The following IQANK1 variants were observed in gnomAD, a reference collection of about 807,000 sequenced individuals.
IQANK1 encodes IQ motif and ankyrin repeat containing 1.
In IQANK1, 30 loss-of-function variants were observed where a neutral mutation model predicts 22.6. The ratio of observed to expected loss-of-function variants is 1.33; its 90% CI spans 0.99 to 1.80. The LOEUF (loss-of-function observed/expected upper bound fraction) is 1.80. IQANK1 is among the 40% of genes most tolerant of loss of function. IQANK1 has a pLI of 0.00. For missense variants in IQANK1, 275 were observed against 235.2 expected (o/e 1.17, Z -1.11); for synonymous variants, 122 against 99.6 (o/e 1.23, Z -1.34).
intron 3 of IQANK1, among the ~76,000 whole-genome samples, chr8:143,761,907 C>G (rs1026119112): frequency 5.3e-5 from 8 of 151,566 alleles, no homozygotes; most frequent in South Asian, 2.1e-4. Flanking sequence ...TATACATTCT[C>G]CCTCTATAGG....
intron 7 of IQANK1, among the ~76,000 whole-genome samples, chr8:143,788,646 C>A (rs903169722): frequency 1.3e-4 from 20 of 152,206 alleles, no homozygotes; most frequent in African/African-American, 4.6e-4. Context: ...GAAGGAAGCC[C>A]TTGGAGGCCC....
intron 7 of IQANK1, among the ~76,000 whole-genome samples, chr8:143,776,863 C>T (rs577908518): frequency 4.1e-4 from 63 of 152,220 alleles, no homozygotes; most frequent in African/African-American, 1.1e-3. Context: ...TGCCTACTCC[C>T]GTCAGCCAGG....
chr8:143,745,807 G>A (rs938343172), intron 3 of IQANK1: 4 of 152,152 alleles, frequency 2.6e-5, no homozygotes, highest in African/African-American at 9.7e-5. Context: ...TCATGCCTCA[G>A]TGCAGCGATC....
In IQANK1 at chr8:143,788,949, G is replaced by A. The variant is rs1264683319; in HGVS notation, c.824G>A (p.Arg275His). 1.5e-5 allele frequency: 6 copies of A among 399,134 alleles called. No homozygotes were observed. Among genetic ancestry groups the A allele is most frequent in the Admixed American group, 4.4e-5 (1 of 22,722 alleles). The allele number at this position is 399,134 out of a possible 1,614,324, so 24.7% of individuals were successfully genotyped here. A position where few individuals can be genotyped will look rare whatever the true frequency, so the allele number is the denominator to read the frequency against. The change falls in exon 8 of 14, where the codon CGC becomes CAC. Residue 275 changes from arginine (R) to histidine (H), a missense_variant. Transcript: ENST00000527139. Reference protein sequence around the residue: ...ASLDTVVSVLRSWDLSLTEAM... With the variant: ...ASLDTVVSVLHSWDLSLTEAM... Reference sequence around the variant, plus strand: ...CTGGACACAGTGGTGAGCGTGCTGCGCTCGTGGGACCTGAGCCTCACGGAG... The same window carrying A: ...CTGGACACAGTGGTGAGCGTGCTGCACTCGTGGGACCTGAGCCTCACGGAG...
chr8:143,748,859 CAT>C (rs1254231095), intron 3 of IQANK1, among the ~76,000 whole-genome samples: 15 of 105,568 alleles, frequency 1.4e-4, no homozygotes, highest in African/African-American at 6.9e-4. Flanking sequence ...ATATATATAT[CAT>C]ATATAAATAT....
chr8:143,756,141 T>C (rs1279966018), intron 3 of IQANK1, among the ~76,000 whole-genome samples: 1 of 152,220 alleles, frequency 6.6e-6, no homozygotes, highest in African/African-American at 2.4e-5. Context: ...TTCCCAGATA[T>C]GCTTCTTACC....
In IQANK1 at chr8:143,748,693, CAT is replaced by C. The variant is rs1468762383; in HGVS notation, c.175+8751_175+8752del. Among the ~76,000 whole-genome samples, 8 of 109,580 alleles carry C rather than the reference CAT, an allele frequency of 7.3e-5. No individual in the cohort carries two copies. In the South Asian group the frequency reaches 1.5e-3, roughly 20 times the overall value. 71.9% of individuals were successfully genotyped at this position (109,580 alleles called of 152,430 possible). The stretch of plus-strand genomic sequence containing the variant: ...ATATATAAATATATATCATATATAT[CAT>C]ATATAAATATATAAATATATATCAT... On this transcript the variant is annotated intron_variant, in intron 3 of 13. Coordinates refer to ENST00000527139, the MANE Select transcript of IQANK1 (RefSeq NM_001381874.1).
intron 2 of IQANK1, among the ~76,000 whole-genome samples, chr8:143,738,854 C>T (rs141153238): frequency 0.023 from 3,579 of 152,326 alleles, 132 homozygotes; most frequent in African/African-American, 0.081. Flanking sequence ...GCCATGGGAA[C>T]CCGCAGCCCA....
intron 3 of IQANK1, chr8:143,743,103 G>A (rs1337273553): frequency 2.2e-6 from 1 of 445,188 alleles, no homozygotes; most frequent in Admixed American, 2.4e-5. Flanking sequence ...CTGCAGGGTA[G>A]CCACCGGGCA....
rs1206534330 is a variant in IQANK1 at position 143,771,738 on chromosome 8, C to T, written c.307-63C>T. On this transcript the variant is annotated intron_variant, in intron 4 of 13. Coordinates refer to ENST00000527139, the MANE Select transcript of IQANK1 (RefSeq NM_001381874.1). This position sits in a 1 kb window ranked among gnomAD's most constrained non-coding sequence, Gnocchi z 6.0. ...GGGCTCCGACCTCAGAGGCGTGGAC[C>T]GTGGCCTCGGGGCTCGGGGCGGTGG... 1 of 396,856 alleles carries T rather than the reference C, an allele frequency of 2.5e-6. No individual in the cohort carries two copies. The highest frequency in any genetic ancestry group is 4.4e-5 in the Admixed American group (1 of 22,640). The allele number at this position is 396,856 out of a possible 1,614,324, so 24.6% of individuals were successfully genotyped here. A position where few individuals can be genotyped will look rare whatever the true frequency, so the allele number is the denominator to read the frequency against.
chr8:143,785,254 T>C (rs1248945474), intron 7 of IQANK1, among the ~76,000 whole-genome samples: 1 of 5,582 alleles, frequency 1.8e-4, no homozygotes, highest in African/African-American at 2.0e-4. Flanking sequence ...GTTCTGTATC[T>C]TTTTTTTTTT....
At chr8:143,738,784 G>T (rs1818813731) in intron 2 of IQANK1, among the ~76,000 whole-genome samples, 1 of 152,188 alleles carries the variant, frequency 6.6e-6, no homozygotes, top group South Asian at 2.1e-4. Context: ...GCTGCATCCT[G>T]GTCGCACTGA....
chr8:143,790,123 A>G lies in IQANK1; in HGVS notation c.1290-14A>G. 8.1e-7 allele frequency: 1 copy of G among 1,232,058 alleles called. No homozygotes were observed. Among genetic ancestry groups the G allele is most frequent in the Non-Finnish European group, 1.0e-6 (1 of 987,970 alleles). The allele number at this position is 1,232,058 out of a possible 1,614,324, so 76.3% of individuals were successfully genotyped here. A position where few individuals can be genotyped will look rare whatever the true frequency, so the allele number is the denominator to read the frequency against. On this transcript the variant is annotated splice_polypyrimidine_tract_variant and intron_variant, in intron 12 of 13. Transcript: ENST00000527139. ...GGTTTGGACAGACAGCAGTGACCTG[A>G]TGGGTGTCCCCAGGTGGCCTCTTGT...
intron 3 of IQANK1, among the ~76,000 whole-genome samples, chr8:143,757,086 A>G (rs1223863734): frequency 6.6e-6 from 1 of 152,252 alleles, no homozygotes; most frequent in South Asian, 2.1e-4. Flanking sequence ...AACAATATTC[A>G]TATGTGCAAC....
intron 2 of IQANK1, 76 bp from the exon 3 acceptor site, chr8:143,739,783 C>T: frequency 1.6e-6 from 1 of 618,714 alleles, no homozygotes; most frequent in South Asian, 1.8e-5. Context: ...CCTTTCGGTG[C>T]CCCATAAGTG....
At chr8:143,751,443 C>G (rs1047774651) in intron 3 of IQANK1, among the ~76,000 whole-genome samples, 11 of 151,724 alleles carry the variant, frequency 7.3e-5, no homozygotes, top group African/African-American at 1.2e-4. Flanking sequence ...GAAACCCCGT[C>G]TCTACTAAAA....
At chr8:143,764,610 C>A (rs952534199) in intron 3 of IQANK1, among the ~76,000 whole-genome samples, 6 of 151,810 alleles carry the variant, frequency 4.0e-5, no homozygotes, top group South Asian at 4.2e-4. Flanking sequence ...TCTAAAAAAA[C>A]CAAACAAAAC....
In IQANK1 at chr8:143,771,064, C is replaced by T. The variant is rs1346089617; in HGVS notation, c.176-424C>T. Reference sequence around the variant, plus strand: ...GCGCCCTCTTCTGAGTCCAGCGGGGCTGTGATGAGCCCTCCCAGGCCTGGG... The same window carrying T: ...GCGCCCTCTTCTGAGTCCAGCGGGGTTGTGATGAGCCCTCCCAGGCCTGGG... On this transcript the variant is annotated intron_variant, in intron 3 of 13. Transcript: ENST00000527139. The surrounding 1 kb of genome is among the most constrained non-coding windows in gnomAD (Gnocchi z 6.0). Among the ~76,000 whole-genome samples, 2 of 152,232 alleles carry T rather than the reference C, an allele frequency of 1.3e-5. No homozygotes were observed. The highest frequency in any genetic ancestry group is 2.4e-5 in the African/African-American group (1 of 41,478).
chr8:143,786,274 A>G (rs977367067), intron 7 of IQANK1, among the ~76,000 whole-genome samples: 10 of 152,312 alleles, frequency 6.6e-5, no homozygotes, highest in Admixed American at 2.6e-4. Context: ...AGCGGTCTGG[A>G]GTCACTTCAC....
Sources: allele counts gnomAD v4.1 joint callset (sites outside exome capture counted in the v4.1 genomes callset), GRCh38; gene constraint gnomAD v4.1.1; non-coding constraint Gnocchi (gnomAD v3.1); transcripts MANE v1.5; gene names NCBI Gene and HGNC (gene_info 2026-07-23, HGNC 2026-07-21).